EDIL3: variants seen among roughly 807,000 people sequenced by gnomAD.
The protein encoded by EDIL3 is EGF-like repeat and discoidin I-like domain-containing protein 3.
In EDIL3, 37 loss-of-function variants were observed where a neutral mutation model predicts 67.4. That is an observed-to-expected ratio of 0.55 (90% confidence interval 0.42 to 0.72). The LOEUF is 0.72. Ranked by LOEUF, EDIL3 falls within the 30% of genes least tolerant of loss-of-function variation. The probability of loss-of-function intolerance (pLI) is 0.00; values close to 1 mark genes in which losing one functional copy is unlikely to be tolerated. For synonymous variants in EDIL3, 195 were observed against 196.3 expected, an observed-to-expected ratio of 0.99 and a Z score of 0.05; for missense variants, 527 against 586.3, an observed-to-expected ratio of 0.90 and a Z score of 1.04.
chr5:84,125,526 G>A (rs1401448740), intron 5 of EDIL3, among the ~76,000 whole-genome samples: 5 of 151,978 alleles, frequency 3.3e-5, no homozygotes, highest in Non-Finnish European at 7.4e-5. Context: ...CTAGGTGTGA[G>A]TGAACTCTGA....
chr5:84,029,831 C>T (rs1745885892), intron 9 of EDIL3, among the ~76,000 whole-genome samples: 1 of 152,108 alleles, frequency 6.6e-6, no homozygotes, highest in Non-Finnish European at 1.5e-5. Flanking sequence ...CTGGAGACAA[C>T]ACTTTAAAAG....
At chr5:83,966,093 C>T (rs542647605) in intron 9 of EDIL3, among the ~76,000 whole-genome samples, 1 of 152,154 alleles carries the variant, frequency 6.6e-6, no homozygotes, top group Non-Finnish European at 1.5e-5. Flanking sequence ...ACCGCTCTGC[C>T]CTCTTGAAGA....
rs112114634 is a variant in EDIL3 at position 84,039,108 on chromosome 5, G to GTTT, written c.1137+21189_1137+21191dup. ...TTTGAGTTCAAATCCTAAAGACTGTGTTTTTTTTTTTTAATTATATGAATC... is the reference window on the plus strand; with the variant it reads ...TTTGAGTTCAAATCCTAAAGACTGTGTTTTTTTTTTTTTTTAATTATATGAATC... On this transcript the variant is annotated intron_variant, in intron 9 of 10. Coordinates refer to ENST00000296591, the MANE Select transcript of EDIL3 (RefSeq NM_005711.5). Among the ~76,000 whole-genome samples, 1,147 of 146,184 alleles carry GTTT rather than the reference G, an allele frequency of 7.8e-3. 17 individuals carry two copies. Among genetic ancestry groups the GTTT allele is most frequent in the African/African-American group, 0.026 (1,052 of 40,512 alleles).
chr5:84,052,954 G>A (rs1353234913), intron 9 of EDIL3, among the ~76,000 whole-genome samples: 1 of 152,110 alleles, frequency 6.6e-6, no homozygotes, highest in African/African-American at 2.4e-5. Context: ...TGCACCAAGT[G>A]GACCTAATAG....
At chr5:83,971,598 T>A (rs1269314189) in intron 9 of EDIL3, among the ~76,000 whole-genome samples, 2 of 151,928 alleles carry the variant, frequency 1.3e-5, no homozygotes, top group African/African-American at 4.8e-5. Flanking sequence ...CACTTAAAAT[T>A]TTTTTTTCAT....
At chr5:84,136,214 C>G (rs898073365) in intron 5 of EDIL3, among the ~76,000 whole-genome samples, 2 of 152,232 alleles carry the variant, frequency 1.3e-5, no homozygotes, top group South Asian at 2.1e-4. Context: ...CACTAAATAG[C>G]TGTGAAAGCT....
chr5:83,979,882 T>C (rs1036339038), intron 9 of EDIL3, among the ~76,000 whole-genome samples: 2 of 152,164 alleles, frequency 1.3e-5, no homozygotes, highest in African/African-American at 4.8e-5. Context: ...AATGAATACA[T>C]GAACCATAGG....
chr5:84,107,670 A>G (rs1056111530), intron 5 of EDIL3, among the ~76,000 whole-genome samples: 2 of 150,988 alleles, frequency 1.3e-5, no homozygotes, highest in Non-Finnish European at 3.0e-5. Flanking sequence ...TGCTCAAATG[A>G]TATGTTCTCA....
intron 9 of EDIL3, 149 bp from the exon 10 acceptor site, chr5:83,963,509 T>C (rs1744641559): frequency 2.2e-6 from 2 of 912,928 alleles, no homozygotes; most frequent in South Asian, 2.3e-5. Context: ...ACTGAGTCTA[T>C]TATTGGCTTA....
At chr5:84,294,758 G>T (rs1746008500) in intron 1 of EDIL3, among the ~76,000 whole-genome samples, 1 of 152,162 alleles carries the variant, frequency 6.6e-6, no homozygotes, top group Non-Finnish European at 1.5e-5. Flanking sequence ...CTTACTGAGT[G>T]TCAGGTGCTG....
At chr5:84,127,899 C>T (rs1273565269) in intron 5 of EDIL3, among the ~76,000 whole-genome samples, 1 of 152,018 alleles carries the variant, frequency 6.6e-6, no homozygotes, top group Non-Finnish European at 1.5e-5. Context: ...CCAATGCTTT[C>T]CTTAACTACA....
chr5:84,187,697 T>A (rs1050258059), intron 3 of EDIL3, among the ~76,000 whole-genome samples: 2 of 152,076 alleles, frequency 1.3e-5, no homozygotes, highest in African/African-American at 4.8e-5. Context: ...AATAATTTTT[T>A]AACATTTTGG....
At chr5:84,075,906 AC>A (rs1156740567) in intron 6 of EDIL3, among the ~76,000 whole-genome samples, 1 of 149,372 alleles carries the variant, frequency 6.7e-6, no homozygotes, top group East Asian at 2.0e-4. Context: ...ACACACACAC[AC>A]ACACACACAC....
intron 1 of EDIL3, among the ~76,000 whole-genome samples, chr5:84,272,094 T>C (rs1270338705): frequency 6.6e-6 from 1 of 152,200 alleles, no homozygotes; most frequent in Non-Finnish European, 1.5e-5. Flanking sequence ...ACGCTCACAC[T>C]TAGGTTAGCC....
chr5:84,361,678 G>T (rs1302422675), intron 1 of EDIL3, among the ~76,000 whole-genome samples: 1 of 151,260 alleles, frequency 6.6e-6, no homozygotes, highest in African/African-American at 2.4e-5. Flanking sequence ...CTATTATCTA[G>T]TGTGTTATAA....
intron 9 of EDIL3, among the ~76,000 whole-genome samples, chr5:84,043,265 T>G (rs1746163439): frequency 6.6e-6 from 1 of 152,240 alleles, no homozygotes. Context: ...ATGACTCATT[T>G]TATTCATGAC....
intron 1 of EDIL3, among the ~76,000 whole-genome samples, chr5:84,259,443 C>T (rs1211726177): frequency 6.6e-6 from 1 of 152,184 alleles, no homozygotes; most frequent in Non-Finnish European, 1.5e-5. Flanking sequence ...CTGGCCTCAC[C>T]TGCTTAGATT....
chr5:84,217,565 T>C (rs1744253037), intron 3 of EDIL3, among the ~76,000 whole-genome samples: 1 of 152,068 alleles, frequency 6.6e-6, no homozygotes, highest in Non-Finnish European at 1.5e-5. Flanking sequence ...AAAAACTGAT[T>C]TCCCTGAGAA....
chr5:83,965,340 T>TG lies in EDIL3; in HGVS notation c.1138-1981dup, dbSNP rs1165283600. Among the ~76,000 whole-genome samples the TG allele has an allele frequency of 2.0e-5, 3 of 152,124 alleles. No individual in the cohort carries two copies. In the East Asian group the frequency reaches 5.8e-4, roughly 29 times the overall value. On this transcript the variant is annotated intron_variant, in intron 9 of 10. Transcript: ENST00000296591. The stretch of plus-strand genomic sequence containing the variant: ...ATTTCTTCTCTGTTCTTCAGCTGTC[T>TG]GGGCTTTAAAATATAGATTGCTTTT...
Sources: gnomAD v4.1 joint callset for allele counts (sites outside exome capture counted in the v4.1 genomes callset) on GRCh38, gnomAD v4.1.1 for gene constraint, MANE v1.5 for transcripts, NCBI Gene and HGNC (gene_info 2026-07-23, HGNC 2026-07-21) for gene names.